The following ITGA9 variants were observed in gnomAD, a reference collection of about 807,000 sequenced individuals.
The protein encoded by ITGA9 is integrin alpha-9.
In ITGA9, 56 loss-of-function variants were observed where a neutral mutation model predicts 127.8. The observed-to-expected ratio is 0.44, with a 90% CI of 0.35 to 0.55. ITGA9 has a LOEUF of 0.55. ITGA9 is among the 20% of genes least tolerant of loss of function. The probability of loss-of-function intolerance (pLI) is 0.00; values close to 1 mark genes in which losing one functional copy is unlikely to be tolerated. For synonymous variants in ITGA9, 508 were observed against 514.5 expected (o/e 0.99, Z 0.17); for missense variants, 1,196 against 1,347.1 (o/e 0.89, Z 1.76).
intron 18 of ITGA9, among the ~76,000 whole-genome samples, chr3:37,711,953 G>A (rs1701084108): frequency 6.6e-6 from 1 of 152,170 alleles, no homozygotes; most frequent in Non-Finnish European, 1.5e-5. Context: ...ATACAGATGA[G>A]CCCAAGTCAC....
intron 18 of ITGA9, among the ~76,000 whole-genome samples, chr3:37,684,919 C>T (rs974045498): frequency 2.0e-5 from 3 of 152,090 alleles, no homozygotes; most frequent in Admixed American, 1.3e-4. Context: ...ATAATCATCC[C>T]GAGTGTACCA....
intron 2 of ITGA9, 131 bp downstream of exon 2, chr3:37,471,265 A>G: frequency 9.6e-7 from 1 of 1,036,974 alleles, no homozygotes; most frequent in South Asian, 1.3e-5. Context: ...CTTCTCTCCA[A>G]CAAGCATGTA....
At chr3:37,584,968 G>T (rs1274632351) in intron 15 of ITGA9, among the ~76,000 whole-genome samples, 1 of 151,896 alleles carries the variant, frequency 6.6e-6, no homozygotes, top group East Asian at 1.9e-4. Flanking sequence ...CCTTTTAGTT[G>T]GGTTCAGTCA....
At chr3:37,766,343 A>G (rs994768599) in intron 23 of ITGA9, among the ~76,000 whole-genome samples, 3 of 152,240 alleles carry the variant, frequency 2.0e-5, no homozygotes, top group Non-Finnish European at 4.4e-5. Context: ...ATCTAAACTT[A>G]TGACCTAAAG....
At chr3:37,787,760 G>T (rs551090202) in intron 26 of ITGA9, among the ~76,000 whole-genome samples, 2 of 152,132 alleles carry the variant, frequency 1.3e-5, no homozygotes, top group African/African-American at 4.8e-5. Context: ...ATAGAGCCTC[G>T]CCACCAAATT....
At chr3:37,713,637 C>T (rs1701102316) in intron 18 of ITGA9, among the ~76,000 whole-genome samples, 1 of 152,204 alleles carries the variant, frequency 6.6e-6, no homozygotes, top group Non-Finnish European at 1.5e-5. Context: ...GATCATGGAA[C>T]AGGGCAGGAA....
At chr3:37,726,491 A>G (rs540201545) in intron 18 of ITGA9, among the ~76,000 whole-genome samples, 1 of 152,358 alleles carries the variant, frequency 6.6e-6, no homozygotes, top group East Asian at 1.9e-4. Context: ...AAATGCTTGT[A>G]TGATTGGGAG....
At position 37,623,142 on chromosome 3, in the gene ITGA9, GT is replaced by G. The variant is rs1391522630; in HGVS notation, c.1690-6044del. On this transcript the variant is annotated intron_variant, in intron 15 of 27. Coordinates refer to ENST00000264741, the MANE Select transcript of ITGA9 (RefSeq NM_002207.3). ...TGGGTCACTGGTCGTCTTTTCTGCT[GT>G]GTTCAATCTCCAGTAAAATATGTCA... 6.6e-5 allele frequency among the ~76,000 whole-genome samples: 10 copies of G among 150,602 alleles called. No homozygotes were observed. In the East Asian group the frequency reaches 2.0e-3, roughly 29 times the overall value.
chr3:37,684,998 T>A (rs1449410185), intron 18 of ITGA9, among the ~76,000 whole-genome samples: 1 of 152,206 alleles, frequency 6.6e-6, no homozygotes, highest in Non-Finnish European at 1.5e-5. Context: ...AAGTCGACTC[T>A]GCTCTACCCA....
chr3:37,490,929 CT>C (rs1448969001), intron 4 of ITGA9, among the ~76,000 whole-genome samples: 2 of 148,810 alleles, frequency 1.3e-5, no homozygotes, highest in African/African-American at 5.0e-5. Context: ...TCTAAGTCCC[CT>C]TGTTCAACCC....
chr3:37,575,551 T>C (rs1431465722), intron 15 of ITGA9, among the ~76,000 whole-genome samples: 1 of 152,186 alleles, frequency 6.6e-6, no homozygotes, highest in African/African-American at 2.4e-5. Context: ...TGCTGTCATA[T>C]ACCCATGAAG....
intron 4 of ITGA9, among the ~76,000 whole-genome samples, chr3:37,486,744 T>C (rs1442940816): frequency 6.6e-6 from 1 of 152,220 alleles, no homozygotes; most frequent in African/African-American, 2.4e-5. Flanking sequence ...TTCCCTCTTT[T>C]TGTAGATGAC....
intron 16 of ITGA9, among the ~76,000 whole-genome samples, chr3:37,637,134 A>G (rs1052535580): frequency 3.5e-4 from 53 of 151,986 alleles, no homozygotes; most frequent in Non-Finnish European, 1.2e-4. Flanking sequence ...TTGGTTCCAT[A>G]TGAACTTGAA....
At chr3:37,613,673 G>T (rs907463123) in intron 15 of ITGA9, among the ~76,000 whole-genome samples, 4 of 152,172 alleles carry the variant, frequency 2.6e-5, no homozygotes, top group African/African-American at 9.7e-5. Flanking sequence ...GTGTGAGATG[G>T]TATCTCATTG....
chr3:37,542,357 G>A, intron 14 of ITGA9, 68 bp from the exon 15 acceptor site: 3 of 1,550,362 alleles, frequency 1.9e-6, no homozygotes, highest in Non-Finnish European at 2.7e-6. Flanking sequence ...CCTGTGACAA[G>A]GAAAAGAGGT....
intron 15 of ITGA9, among the ~76,000 whole-genome samples, chr3:37,543,723 A>G (rs1699298499): frequency 6.6e-6 from 1 of 152,190 alleles, no homozygotes; most frequent in Admixed American, 6.5e-5. Flanking sequence ...CAGAAGAATA[A>G]CAGCTGCTTC....
Position 37,513,999 on chromosome 3 carries a change from A to G in ITGA9, c.1035+99A>G, listed in dbSNP as rs139316730. 1,319 of 1,405,810 alleles carry G rather than the reference A, an allele frequency of 9.4e-4. 13 individuals carry two copies. The African/African-American group carries it at 0.014, about 14-fold the overall frequency. The allele number at this position is 1,405,810 out of a possible 1,614,324, so 87.1% of individuals were successfully genotyped here. Reference sequence around the variant, plus strand: ...CCCCTCTGGGCCGGCACTGGGGGCAATGTTACCCAGAGGAGATGAAAATAT... The same window carrying G: ...CCCCTCTGGGCCGGCACTGGGGGCAGTGTTACCCAGAGGAGATGAAAATAT... On this transcript the variant is annotated intron_variant, in intron 9 of 27. Coordinates refer to ENST00000264741, the MANE Select transcript of ITGA9 (RefSeq NM_002207.3).
intron 18 of ITGA9, among the ~76,000 whole-genome samples, chr3:37,692,876 A>C (rs982572415): frequency 3.9e-5 from 6 of 152,192 alleles, no homozygotes; most frequent in African/African-American, 1.4e-4. Flanking sequence ...TATGGGATTC[A>C]GACTTTTTAT....
chr3:37,721,007 C>T (rs1282113961), intron 18 of ITGA9, among the ~76,000 whole-genome samples: 1 of 151,938 alleles, frequency 6.6e-6, no homozygotes, highest in African/African-American at 2.4e-5. Context: ...GAGACCTCGC[C>T]GTCTCCATTT....
Sources: allele counts gnomAD v4.1 joint callset (sites outside exome capture counted in the v4.1 genomes callset), GRCh38; gene constraint gnomAD v4.1.1; transcripts MANE v1.5; gene names NCBI Gene and HGNC (gene_info 2026-07-23, HGNC 2026-07-21).